The following IPCEF1 variants were observed in gnomAD, a reference collection of about 807,000 sequenced individuals.
The protein encoded by IPCEF1 is interactor protein for cytohesin exchange factors 1.
A neutral mutation model predicts 50.9 loss-of-function variants in IPCEF1; 31 were observed. The ratio of observed to expected loss-of-function variants is 0.61; its 90% CI spans 0.46 to 0.82. IPCEF1 has a LOEUF of 0.82. Among genes scored for constraint, IPCEF1 ranks in the 40% least tolerant of loss-of-function variants. IPCEF1 has a pLI of 0.00. For missense variants in IPCEF1, 458 were observed against 514.0 expected (o/e 0.89, Z 1.05); for synonymous variants, 181 against 192.0 (o/e 0.94, Z 0.47).
intron 1 of IPCEF1, among the ~76,000 whole-genome samples, chr6:154,310,950 T>C (rs1183486970): frequency 1.3e-5 from 2 of 152,126 alleles, no homozygotes; most frequent in Non-Finnish European, 2.9e-5. Flanking sequence ...CACTGCATGG[T>C]GAACACAGTT....
In IPCEF1 at chr6:154,199,721, T is replaced by C. The variant is rs1776916631; in HGVS notation, c.857A>G (p.His286Arg). ...CTTATCTGGGACAGTAAGATGGTCA[T>C]GATTGCTACTCAATGAAGAAGTATC... ...SDDTSSLSSN[H>R]DHLTVPDKPA... The change falls in exon 10 of 12, where the codon CAT becomes CGT. Residue 286 changes from histidine to arginine, a missense_variant. His to Arg is a conservative substitution (Grantham distance 29). Transcript: ENST00000367220. The C allele has an allele frequency of 3.1e-6, 5 of 1,614,036 alleles. No homozygotes were observed. The highest frequency in any genetic ancestry group is 1.7e-5 in the Admixed American group (1 of 60,012).
Position 154,282,141 on chromosome 6 carries a change from C to G in IPCEF1, c.-18+7572G>C, listed in dbSNP as rs1024659579. Among the ~76,000 whole-genome samples the G allele has an allele frequency of 1.4e-4, 21 of 152,160 alleles. 3 individuals carry two copies. The highest frequency in any genetic ancestry group is 5.2e-4 in the Admixed American group (8 of 15,286). On this transcript the variant is annotated intron_variant, in intron 2 of 11. Transcript: ENST00000367220. ...CCGAGATTGCACCACTGCACTCCAG[C>G]CTGGGTGACAGAGCAAGACTCTGTC...
At chr6:154,243,310 T>G (rs187082368) in intron 5 of IPCEF1, among the ~76,000 whole-genome samples, 2 of 152,222 alleles carry the variant, frequency 1.3e-5, no homozygotes, top group African/African-American at 4.8e-5. Context: ...TTTCTACGGC[T>G]GTTAAACTTG....
At chr6:154,286,571 G>A (rs750960326) in intron 2 of IPCEF1, among the ~76,000 whole-genome samples, 3 of 152,156 alleles carry the variant, frequency 2.0e-5, no homozygotes, top group Admixed American at 6.5e-5. Context: ...ATCATAATAA[G>A]CCCCTTTGTC....
chr6:154,260,795 C>T (rs1205632644), intron 3 of IPCEF1, among the ~76,000 whole-genome samples: 1 of 151,952 alleles, frequency 6.6e-6, no homozygotes, highest in Non-Finnish European at 1.5e-5. Flanking sequence ...ATAATCAAGC[C>T]TTGAAGATTC....
At chr6:154,218,569 T>C (rs1159422329) in intron 7 of IPCEF1, among the ~76,000 whole-genome samples, 1 of 152,202 alleles carries the variant, frequency 6.6e-6, no homozygotes, top group Non-Finnish European at 1.5e-5. Flanking sequence ...AGATACATTA[T>C]TTCCTGGCTT....
intron 9 of IPCEF1, among the ~76,000 whole-genome samples, chr6:154,206,132 C>T (rs1777475463): frequency 6.6e-6 from 1 of 152,130 alleles, no homozygotes; most frequent in Non-Finnish European, 1.5e-5. Flanking sequence ...AGCTGCCTGA[C>T]TAACTCAAAT....
At chr6:154,233,530 GACA>G (rs56183902) in intron 5 of IPCEF1, among the ~76,000 whole-genome samples, 3,141 of 152,190 alleles carry the variant, frequency 0.021, 63 homozygotes, top group Admixed American at 0.069. Context: ...ATTCTACATA[GACA>G]ACATTTGGTA....
chr6:154,307,716 AG>A (rs1156574450), intron 1 of IPCEF1, among the ~76,000 whole-genome samples: 3 of 152,232 alleles, frequency 2.0e-5, no homozygotes, highest in African/African-American at 7.2e-5. Context: ...ACTTTTTCAC[AG>A]ATCTGCATTT....
chr6:154,299,813 G>T (rs1356788366), intron 1 of IPCEF1, among the ~76,000 whole-genome samples: 2 of 138,688 alleles, frequency 1.4e-5, no homozygotes, highest in Middle Eastern at 3.5e-3. Flanking sequence ...ATGGATAAAA[G>T]GACTGATAAG....
rs1784223948 is a variant in IPCEF1, at chr6:154,356,800, A to C, written c.-190T>G. On this transcript the variant is annotated 5_prime_UTR_variant, in exon 1 of 12. Transcript: ENST00000367220. ...AGCTCTGGAAACTCAGTCAACCCAGAACTAACATTCAAAGCTGATCAGAGA... is the reference window on the plus strand; with the variant it reads ...AGCTCTGGAAACTCAGTCAACCCAGCACTAACATTCAAAGCTGATCAGAGA... 6.6e-6 allele frequency: 1 copy of C among 152,242 alleles called. No individual in the cohort carries two copies. 9.4% of individuals were successfully genotyped at this position (152,242 alleles called of 1,614,324 possible). A position where few individuals can be genotyped will look rare whatever the true frequency, so the allele number is the denominator to read the frequency against.
At chr6:154,245,027 T>C (rs762108923) in intron 5 of IPCEF1, among the ~76,000 whole-genome samples, 6 of 152,100 alleles carry the variant, frequency 3.9e-5, no homozygotes, top group African/African-American at 2.4e-5. Flanking sequence ...GAAAGAGACA[T>C]TTATATTAAC....
chr6:154,202,873 T>C (rs748096947), intron 9 of IPCEF1, among the ~76,000 whole-genome samples: 4 of 151,744 alleles, frequency 2.6e-5, no homozygotes, highest in Non-Finnish European at 2.9e-5. Flanking sequence ...AAAAAAGAAA[T>C]AGAAGAAACA....
chr6:154,172,866 C>A (rs1799988612), intron 10 of IPCEF1, among the ~76,000 whole-genome samples: 1 of 152,228 alleles, frequency 6.6e-6, no homozygotes, highest in African/African-American at 2.4e-5. Flanking sequence ...TCAAGTGGGT[C>A]CCTGACCCTC....
At position 154,166,528 on chromosome 6, in the gene IPCEF1, G is replaced by A. The variant is rs552907169; in HGVS notation, c.1104+1392C>T. 1.4e-4 allele frequency among the ~76,000 whole-genome samples: 21 copies of A among 152,234 alleles called. No homozygotes were observed. In the South Asian group the frequency reaches 2.9e-3, roughly 21 times the overall value. On this transcript the variant is annotated intron_variant, in intron 11 of 11. Transcript: ENST00000367220. ...CATTTCTTCCTGACTCACGGATTTC[G>A]TGACAGTGTTCCTAATGCCTCCAGT... is the stretch of plus-strand genomic sequence containing the variant.
chr6:154,182,987 T>C (rs28522375), intron 10 of IPCEF1, among the ~76,000 whole-genome samples: 6 of 134,246 alleles, frequency 4.5e-5, no homozygotes, highest in African/African-American at 1.5e-4. Flanking sequence ...CTTTTTTTTT[T>C]CTTTTTTTTT....
At chr6:154,334,963 A>G (rs1783757714) in intron 1 of IPCEF1, among the ~76,000 whole-genome samples, 1 of 152,154 alleles carries the variant, frequency 6.6e-6, no homozygotes, top group Non-Finnish European at 1.5e-5. Flanking sequence ...TATCTGCCTA[A>G]GATCCAGACC....
chr6:154,208,576 C>CAAGTATT (rs1777698832), intron 9 of IPCEF1, among the ~76,000 whole-genome samples: 1 of 152,194 alleles, frequency 6.6e-6, no homozygotes, highest in Non-Finnish European at 1.5e-5. Context: ...ACTTTATTCA[C>CAAGTATT]TGATGTGTTC....
intron 1 of IPCEF1, among the ~76,000 whole-genome samples, chr6:154,333,224 C>T (rs1783711920): frequency 6.6e-6 from 1 of 151,182 alleles, no homozygotes; most frequent in Admixed American, 6.6e-5. Context: ...AAATATTGAT[C>T]CTGGGTGTGT....
Sources: allele counts gnomAD v4.1 joint callset (sites outside exome capture counted in the v4.1 genomes callset), GRCh38; gene constraint gnomAD v4.1.1; transcripts MANE v1.5; gene names NCBI Gene and HGNC (gene_info 2026-07-23, HGNC 2026-07-21).